ARHGAP32: variants seen among roughly 807,000 people sequenced by gnomAD.
The protein encoded by ARHGAP32 is rho GTPase-activating protein 32.
Under a neutral mutation model 186.5 loss-of-function variants are expected in ARHGAP32, and 51 were observed. That is an observed-to-expected ratio of 0.27 (90% CI 0.22 to 0.35). The LOEUF is 0.35. Ranked by LOEUF, ARHGAP32 falls within the 10% of genes least tolerant of loss-of-function variation. ARHGAP32 has a pLI of 1.00. For synonymous variants in ARHGAP32, 950 were observed against 964.3 expected (o/e 0.99, Z 0.27); for missense variants, 2,186 against 2,623.5 (o/e 0.83, Z 3.64).
At chr11:129,004,302 T>C (rs900596216) in intron 11 of ARHGAP32, among the ~76,000 whole-genome samples, 1 of 149,794 alleles carries the variant, frequency 6.7e-6, no homozygotes, top group African/African-American at 2.4e-5. Flanking sequence ...ACATGTGGTC[T>C]ATCCTTGAGA....
chr11:129,065,127 C>T (rs1213656978), intron 7 of ARHGAP32, among the ~76,000 whole-genome samples, 194 bp from the exon 8 acceptor site: 2 of 152,092 alleles, frequency 1.3e-5, no homozygotes, highest in East Asian at 3.8e-4. Context: ...TCATGCAGAG[C>T]TTCAATTTCT....
chr11:129,106,523 TA>T (rs1942053232), intron 5 of ARHGAP32, among the ~76,000 whole-genome samples: 1 of 151,240 alleles, frequency 6.6e-6, no homozygotes, highest in Admixed American at 6.6e-5. Context: ...GACTACTAGA[TA>T]GGGGAGGGTG....
chr11:129,131,390 G>A (rs975205792), intron 2 of ARHGAP32, among the ~76,000 whole-genome samples: 4 of 151,740 alleles, frequency 2.6e-5, no homozygotes, highest in Non-Finnish European at 5.9e-5. Flanking sequence ...TGATAACTAC[G>A]GAAACAATGA....
chr11:129,185,056 G>A (rs1413509684), intron 1 of ARHGAP32, among the ~76,000 whole-genome samples: 2 of 152,142 alleles, frequency 1.3e-5, no homozygotes, highest in Non-Finnish European at 2.9e-5. Flanking sequence ...ATTCCTCAGG[G>A]ATCTAGAACT....
intron 6 of ARHGAP32, among the ~76,000 whole-genome samples, chr11:129,073,054 T>C (rs1325970211): frequency 5.3e-5 from 8 of 152,150 alleles, no homozygotes; most frequent in Non-Finnish European, 1.0e-4. Context: ...CGTGTGAAGT[T>C]CACAGTTCAG....
At chr11:129,263,210 A>T (rs770231750) in intron 1 of ARHGAP32, among the ~76,000 whole-genome samples, 3 of 152,206 alleles carry the variant, frequency 2.0e-5, no homozygotes, top group Non-Finnish European at 4.4e-5. Context: ...CACCAAAAGC[A>T]CAGGCAATAG....
intron 11 of ARHGAP32, among the ~76,000 whole-genome samples, chr11:129,037,973 C>T (rs954352984): frequency 6.6e-6 from 1 of 151,738 alleles, no homozygotes; most frequent in African/African-American, 2.4e-5. Context: ...TGGTGGCACA[C>T]ACCTGTAATC....
chr11:129,115,847 T>C (rs1942352844), intron 5 of ARHGAP32, among the ~76,000 whole-genome samples: 1 of 152,054 alleles, frequency 6.6e-6, no homozygotes, highest in Admixed American at 6.6e-5. Flanking sequence ...AGAGATTTTG[T>C]TTACATTTCA....
chr11:128,979,220 T>C (rs12364106), intron 18 of ARHGAP32, among the ~76,000 whole-genome samples: 24,731 of 152,124 alleles, frequency 0.16, 2,377 homozygotes, highest in African/African-American at 0.27. Flanking sequence ...TATCTGGGAA[T>C]AGGAAATATT....
chr11:129,179,814 G>C (rs1380069659), intron 1 of ARHGAP32, among the ~76,000 whole-genome samples: 1 of 151,996 alleles, frequency 6.6e-6, no homozygotes, highest in African/African-American at 2.4e-5. Flanking sequence ...GGACGGGGGA[G>C]GGATAGCATT....
At chr11:128,975,463 A>T (rs544989420) in intron 20 of ARHGAP32, among the ~76,000 whole-genome samples, 2 of 152,192 alleles carry the variant, frequency 1.3e-5, no homozygotes. Flanking sequence ...ACAATATTCA[A>T]ATTTCTAAAT....
At chr11:129,054,141 A>C (rs1940160800) in intron 10 of ARHGAP32, among the ~76,000 whole-genome samples, 1 of 152,180 alleles carries the variant, frequency 6.6e-6, no homozygotes, top group Admixed American at 6.5e-5. Flanking sequence ...TTTGGGGATA[A>C]CTATGAAAAA....
intron 11 of ARHGAP32, among the ~76,000 whole-genome samples, chr11:129,037,380 G>A (rs758340785): frequency 3.3e-5 from 5 of 150,970 alleles, no homozygotes; most frequent in Non-Finnish European, 7.3e-5. Flanking sequence ...TGTAGTACTA[G>A]CTACTCAGGA....
intron 11 of ARHGAP32, among the ~76,000 whole-genome samples, chr11:129,031,834 G>C (rs1188951543): frequency 6.6e-6 from 1 of 152,266 alleles, no homozygotes; most frequent in Non-Finnish European, 1.5e-5. Flanking sequence ...CCCAGGCCCT[G>C]CCAGCAGAGC....
At chr11:129,250,370 C>A (rs1945164698) in intron 1 of ARHGAP32, among the ~76,000 whole-genome samples, 1 of 152,156 alleles carries the variant, frequency 6.6e-6, no homozygotes, top group African/African-American at 2.4e-5. Flanking sequence ...TGAACTATAA[C>A]CTGTGAAATG....
chr11:129,060,042 G>A (rs939560315), intron 10 of ARHGAP32, among the ~76,000 whole-genome samples: 9 of 152,030 alleles, frequency 5.9e-5, no homozygotes, highest in Non-Finnish European at 1.0e-4. Context: ...AATTTGTTTT[G>A]GCAATAAACT....
intron 6 of ARHGAP32, among the ~76,000 whole-genome samples, chr11:129,078,539 T>C (rs1244834843): frequency 1.3e-5 from 2 of 152,122 alleles, no homozygotes; most frequent in Admixed American, 1.3e-4. Flanking sequence ...GTCACCCAGG[T>C]TGTAGTGCAG....
At chr11:129,256,433 C>T (rs1945255304) in intron 1 of ARHGAP32, among the ~76,000 whole-genome samples, 1 of 152,116 alleles carries the variant, frequency 6.6e-6, no homozygotes, top group South Asian at 2.1e-4. Context: ...ACATTCTCTC[C>T]AATCAGAGGG....
chr11:129,131,796 A>G (rs926595519), intron 2 of ARHGAP32, among the ~76,000 whole-genome samples: 2 of 152,198 alleles, frequency 1.3e-5, no homozygotes, highest in Non-Finnish European at 2.9e-5. Context: ...ATTTTTGAGT[A>G]GAGAAACAAT....
Sources: gnomAD v4.1 joint callset for allele counts (sites outside exome capture counted in the v4.1 genomes callset) on GRCh38, gnomAD v4.1.1 for gene constraint, MANE v1.5 for transcripts, NCBI Gene and HGNC (gene_info 2026-07-23, HGNC 2026-07-21) for gene names.